Variants in ELAVL2 observed in about 807,000 individuals in gnomAD.
The protein encoded by ELAVL2 is ELAV-like protein 2.
In ELAVL2, 4 loss-of-function variants were observed where a neutral mutation model predicts 34.6. That is an observed-to-expected ratio of 0.12 (90% CI 0.06 to 0.26). ELAVL2 has a LOEUF of 0.26. Among genes scored for constraint, ELAVL2 ranks in the 10% least tolerant of loss-of-function variants. The pLI, the probability that ELAVL2 is intolerant of heterozygous loss-of-function variation, is 1.00. For missense variants in ELAVL2, 432 were observed against 442.8 expected, an observed-to-expected ratio of 0.98 and a Z score of 0.22; for synonymous variants, 193 against 154.8, an observed-to-expected ratio of 1.25 and a Z score of -1.83.
At chr9:23,742,763 T>A (rs575605959) in intron 2 of ELAVL2, among the ~76,000 whole-genome samples, 2 of 152,184 alleles carry the variant, frequency 1.3e-5, no homozygotes, top group Non-Finnish European at 2.9e-5. Context: ...TAAGTATAAA[T>A]AACGTGATTT....
chr9:23,752,651 C>T (rs1013342780), intron 2 of ELAVL2, among the ~76,000 whole-genome samples: 8 of 152,048 alleles, frequency 5.3e-5, no homozygotes, highest in African/African-American at 1.9e-4. Flanking sequence ...GACGGGGTTT[C>T]ACCATGTTGG....
chr9:23,725,913 G>T (rs965780863), intron 3 of ELAVL2, among the ~76,000 whole-genome samples: 1 of 152,026 alleles, frequency 6.6e-6, no homozygotes, highest in Non-Finnish European at 1.5e-5. Context: ...TCTCAGTGAT[G>T]AATAAATTAT....
At chr9:23,727,138 C>CT (rs2045411964) in intron 3 of ELAVL2, among the ~76,000 whole-genome samples, 1 of 152,070 alleles carries the variant, frequency 6.6e-6, no homozygotes, top group Non-Finnish European at 1.5e-5. Flanking sequence ...TGTGGGCAGG[C>CT]TTAACCCAAA....
rs936298616 is a variant in ELAVL2 at position 23,734,549 on chromosome 9, T to C, written c.230-3424A>G. 4.0e-4 allele frequency among the ~76,000 whole-genome samples: 61 copies of C among 152,188 alleles called. 1 individual carries two copies. The highest frequency in any genetic ancestry group is 1.5e-3 in the African/African-American group (61 of 41,450). ...GAACTGAGACTTCAGGCATATTGCG[T>C]ATAAGCCCAGGACTAGTTTGTACCC... On this transcript the variant is annotated intron_variant, in intron 2 of 6. Coordinates refer to ENST00000397312, the MANE Select transcript of ELAVL2 (RefSeq NM_004432.5).
At chr9:23,814,339 C>T (rs2063419097) in intron 1 of ELAVL2, among the ~76,000 whole-genome samples, 2 of 152,114 alleles carry the variant, frequency 1.3e-5, no homozygotes, top group Admixed American at 6.6e-5. Flanking sequence ...GACAAGTGAG[C>T]AGGTTGCACC....
chr9:23,766,796 C>T (rs1408046075), intron 1 of ELAVL2, among the ~76,000 whole-genome samples: 1 of 152,158 alleles, frequency 6.6e-6, no homozygotes, highest in Non-Finnish European at 1.5e-5. Context: ...AAAGCTACTT[C>T]CCCTTCACTT....
the ELAVL2 span, among the ~76,000 whole-genome samples, chr9:23,839,109 T>C: frequency 1.3e-5 from 2 of 152,198 alleles, no homozygotes; most frequent in African/African-American, 4.8e-5. Flanking sequence ...AAGTATTATT[T>C]ATCTTATTAG....
At chr9:23,729,209 G>C (rs1194046900) in intron 3 of ELAVL2, among the ~76,000 whole-genome samples, 1 of 152,128 alleles carries the variant, frequency 6.6e-6, no homozygotes, top group Non-Finnish European at 1.5e-5. Context: ...AATGAAATAA[G>C]GGTAATTATT....
chr9:23,732,633 T>C (rs1266034893), intron 2 of ELAVL2, among the ~76,000 whole-genome samples: 1 of 152,180 alleles, frequency 6.6e-6, no homozygotes, highest in Non-Finnish European at 1.5e-5. Context: ...TGCAGTCCTA[T>C]TGTCATTGAG....
At chr9:23,699,512 T>C (rs544024225) in intron 5 of ELAVL2, among the ~76,000 whole-genome samples, 2 of 152,308 alleles carry the variant, frequency 1.3e-5, no homozygotes, top group African/African-American at 4.8e-5. Context: ...AGAACTTTGT[T>C]CTATCTAAAC....
At chr9:23,786,055 G>A (rs1448827224) in intron 1 of ELAVL2, among the ~76,000 whole-genome samples, 1 of 152,160 alleles carries the variant, frequency 6.6e-6, no homozygotes, top group Non-Finnish European at 1.5e-5. Flanking sequence ...AGCTGAACTT[G>A]AGAGACTTCT....
chr9:23,729,879 T>G (rs2046132340), intron 3 of ELAVL2, among the ~76,000 whole-genome samples: 1 of 151,982 alleles, frequency 6.6e-6, no homozygotes, highest in Admixed American at 6.6e-5. Flanking sequence ...TCCAGATACC[T>G]GAAAAAAATG....
chr9:23,731,132 A>C lies in ELAVL2; in HGVS notation c.230-7T>G, dbSNP rs2046419439. 1 of 1,608,544 alleles carries C rather than the reference A, an allele frequency of 6.2e-7. No homozygotes were observed. The highest frequency in any genetic ancestry group is 2.2e-5 in the East Asian group (1 of 44,782). ...CCATATCCCAAGCTCTGCCCTAATGAAAAGGAAGGGGAAAAAGGCATATAT... is the reference window on the plus strand; with the variant it reads ...CCATATCCCAAGCTCTGCCCTAATGCAAAGGAAGGGGAAAAAGGCATATAT... On this transcript the variant is annotated splice_polypyrimidine_tract_variant and splice_region_variant and intron_variant, in intron 2 of 6. Transcript: ENST00000397312.
intron 1 of ELAVL2, among the ~76,000 whole-genome samples, chr9:23,817,154 A>G (rs899830816): frequency 7.2e-5 from 11 of 152,072 alleles, no homozygotes; most frequent in African/African-American, 2.4e-4. Flanking sequence ...GGGATTTTGC[A>G]TGTCAGACCT....
At chr9:23,814,127 G>A (rs1399412172) in intron 1 of ELAVL2, among the ~76,000 whole-genome samples, 1 of 152,024 alleles carries the variant, frequency 6.6e-6, no homozygotes, top group Non-Finnish European at 1.5e-5. Flanking sequence ...ACAGTTCAGG[G>A]CAATCAAAAC....
the ELAVL2 span, among the ~76,000 whole-genome samples, chr9:23,845,683 T>C: frequency 1.3e-4 from 20 of 151,968 alleles, 1 homozygote; most frequent in East Asian, 3.9e-3. Flanking sequence ...ATGGTTTCAC[T>C]TTATAAAAAA....
chr9:23,779,291 G>C, intron 1 of ELAVL2: 1 of 985,392 alleles, frequency 1.0e-6, no homozygotes, highest in Non-Finnish European at 1.2e-6. Context: ...ATGAAAACCT[G>C]CTTCACACTG....
intron 5 of ELAVL2, among the ~76,000 whole-genome samples, chr9:23,695,314 A>C (rs1016003152): frequency 1.1e-4 from 17 of 152,202 alleles, no homozygotes; most frequent in Non-Finnish European, 2.9e-5. Context: ...AAGACCCAGA[A>C]TGCAGAGGCA....
intron 3 of ELAVL2, among the ~76,000 whole-genome samples, chr9:23,720,322 C>T (rs1390600763): frequency 6.6e-6 from 1 of 151,900 alleles, no homozygotes; most frequent in Non-Finnish European, 1.5e-5. Context: ...CACAGGCACC[C>T]GCCACCATGT....
Sources: allele counts gnomAD v4.1 joint callset (sites outside exome capture counted in the v4.1 genomes callset), GRCh38; gene constraint gnomAD v4.1.1; transcripts MANE v1.5; gene names NCBI Gene and HGNC (gene_info 2026-07-23, HGNC 2026-07-21).